The following OXSR1 variants were observed in gnomAD, a reference collection of about 807,000 sequenced individuals.
The protein encoded by OXSR1 is serine/threonine-protein kinase OSR1.
Under a neutral mutation model 79.8 loss-of-function variants are expected in OXSR1, and 24 were observed. The ratio of observed to expected loss-of-function variants is 0.30; its 90% CI spans 0.22 to 0.42. OXSR1 has a LOEUF of 0.42. Among genes scored for constraint, OXSR1 ranks in the 10% least tolerant of loss-of-function variants. The pLI, the probability that OXSR1 is intolerant of heterozygous loss-of-function variation, is 1.00. For missense variants in OXSR1, 430 were observed against 618.4 expected (o/e 0.70, Z 3.23); for synonymous variants, 226 against 209.2 (o/e 1.08, Z -0.69).
intron 13 of OXSR1, 55 bp from the exon 14 acceptor site, chr3:38,247,613 C>T: frequency 1.6e-6 from 2 of 1,270,074 alleles, no homozygotes; most frequent in South Asian, 1.2e-5. Flanking sequence ...GACCATTAGT[C>T]ACCTCCCCAC....
chr3:38,167,986 G>A (rs57305168), intron 1 of OXSR1, among the ~76,000 whole-genome samples: 3 of 151,682 alleles, frequency 2.0e-5, no homozygotes, highest in South Asian at 4.2e-4. Flanking sequence ...AGGTGGCAGA[G>A]AATTTCAGAG....
chr3:38,167,996 G>C (rs1012903394), intron 1 of OXSR1, among the ~76,000 whole-genome samples: 1 of 151,638 alleles, frequency 6.6e-6, no homozygotes, highest in African/African-American at 2.4e-5. Context: ...GAATTTCAGA[G>C]TTGCAAAGGC....
At chr3:38,237,326 A>G (rs1245006908) in intron 11 of OXSR1, among the ~76,000 whole-genome samples, 1 of 152,176 alleles carries the variant, frequency 6.6e-6, no homozygotes, top group Non-Finnish European at 1.5e-5. Flanking sequence ...TCTACTAAGG[A>G]GGAATGGTGT....
intron 2 of OXSR1, among the ~76,000 whole-genome samples, chr3:38,187,407 T>G (rs1159742668): frequency 6.6e-6 from 1 of 152,186 alleles, no homozygotes; most frequent in Non-Finnish European, 1.5e-5. Context: ...ATTTCCTGGA[T>G]GGAAAATACA....
At chr3:38,209,529 G>A (rs553794251) in intron 4 of OXSR1, among the ~76,000 whole-genome samples, 1 of 152,150 alleles carries the variant, frequency 6.6e-6, no homozygotes, top group Admixed American at 6.5e-5. Flanking sequence ...CTTCCAAAGT[G>A]CTGGAATTAC....
rs1413740765 is a variant in OXSR1 at position 38,246,108 on chromosome 3, C to T, written c.1144C>T (p.Leu382Phe). The T allele has an allele frequency of 1.2e-6, 2 of 1,613,490 alleles. No individual in the cohort carries two copies. The highest frequency in any genetic ancestry group is 1.3e-5 in the African/African-American group (1 of 74,868). Residue 382 changes from leucine to phenylalanine, a missense_variant, in exon 13 of 18, where the codon CTC (leucine) becomes TTC (phenylalanine). By Grantham distance (22) the Leu-to-Phe change is conservative. Around this residue, in one of 3 missense-constraint regions of OXSR1, gnomAD observed 276 missense variants for 354.2 expected, o/e 0.78. Transcript: ENST00000311806. The stretch of plus-strand genomic sequence containing the variant: ...AACAACTGATCCTGTGGGTACTTTG[C>T]TCCAAGTTCCAGAACAGATCTCTGC... The part of the protein sequence containing the change: ...FPTTDPVGTL[L>F]QVPEQISAHL...
chr3:38,219,638 C>T (rs185764239), intron 5 of OXSR1, among the ~76,000 whole-genome samples: 50 of 152,298 alleles, frequency 3.3e-4, no homozygotes, highest in African/African-American at 1.2e-3. Context: ...GTTCAGCTGA[C>T]TAGTGGCAGA....
At chr3:38,167,599 C>T (rs1305334600) in intron 1 of OXSR1, among the ~76,000 whole-genome samples, 2 of 152,074 alleles carry the variant, frequency 1.3e-5, no homozygotes, top group Non-Finnish European at 2.9e-5. Context: ...ACAATCTGGG[C>T]TTAAAGCAAT....
At chr3:38,170,786 TC>T (rs1189141227) in intron 1 of OXSR1, among the ~76,000 whole-genome samples, 5 of 152,124 alleles carry the variant, frequency 3.3e-5, no homozygotes, top group African/African-American at 1.2e-4. Flanking sequence ...GGGAATGATC[TC>T]CCCTGCTTTT....
At chr3:38,200,413 A>G (rs2125821017) in intron 4 of OXSR1, among the ~76,000 whole-genome samples, 1 of 152,296 alleles carries the variant, frequency 6.6e-6, no homozygotes, top group East Asian at 1.9e-4. Context: ...AGGAAACATA[A>G]TGCCATGTTG....
intron 6 of OXSR1, 33 bp from the exon 7 acceptor site, chr3:38,223,779 T>G: frequency 4.0e-6 from 6 of 1,488,608 alleles, no homozygotes; most frequent in Non-Finnish European, 5.6e-6. Flanking sequence ...CCTTTTATGC[T>G]GGTAAAAATA....
Position 38,236,956 on chromosome 3 carries a change from C to T in OXSR1, c.1069C>T (p.Leu357Phe). The stretch of plus-strand genomic sequence containing the variant: ...GGAAGGGAAAGCAGCAATTTCACAA[C>T]TCAGGGTAAATTTTATTAAACTGTG... ...SEEGKAAISQ[L>F]RSPRVKESIS... Residue 357 changes from leucine (L) to phenylalanine (F), a missense_variant, in exon 11 of 18, where the codon CTC (leucine) becomes TTC (phenylalanine). Leu to Phe is a conservative substitution (Grantham distance 22). Transcript: ENST00000311806. 2 of 1,610,784 alleles carry T rather than the reference C, an allele frequency of 1.2e-6. No individual in the cohort carries two copies. The highest frequency in any genetic ancestry group is 1.7e-4 in the Middle Eastern group (1 of 6,046).
At chr3:38,228,071 TTGCTCTGACTACTGTCAGATACAC>T (rs1368229714) in intron 8 of OXSR1, among the ~76,000 whole-genome samples, 2 of 152,242 alleles carry the variant, frequency 1.3e-5, no homozygotes, top group Non-Finnish European at 2.9e-5. Context: ...GTGTAGCCTG[TTGCTCTGACTACTGTCAGATACAC>T]AGTATATTGT....
rs776976832 is a variant in OXSR1 at position 38,198,776 on chromosome 3, G to A, written c.347G>A (p.Gly116Glu). The change falls in exon 4 of 18, where the codon GGA (glycine) becomes GAA (glutamate). Residue 116 changes from glycine to glutamate, a missense_variant. Gly to Glu is a moderately conservative substitution (Grantham distance 98). This residue lies in a region of OXSR1 where 145 missense variants were observed against 228.3 expected (regional missense o/e 0.64). Coordinates refer to ENST00000311806, the MANE Select transcript of OXSR1 (RefSeq NM_005109.3). ...GTGGCAAAAGGGGAACACAAAAGTG[G>A]AGTCCTAGATGAATCTACCATTGCT... ...HIVAKGEHKS[G>E]VLDESTIATI... The A allele has an allele frequency of 2.7e-5, 43 of 1,612,644 alleles. No homozygotes were observed. The highest frequency in any genetic ancestry group is 3.1e-5 in the Non-Finnish European group (37 of 1,178,866).
intron 3 of OXSR1, among the ~76,000 whole-genome samples, chr3:38,193,584 A>G (rs556393086): frequency 8.0e-5 from 12 of 149,770 alleles, no homozygotes; most frequent in Non-Finnish European, 1.5e-4. Context: ...ATGCCAGCCT[A>G]TGCTTTCTGC....
chr3:38,167,454 C>T (rs1033998334), intron 1 of OXSR1, among the ~76,000 whole-genome samples: 2 of 152,222 alleles, frequency 1.3e-5, no homozygotes, highest in Non-Finnish European at 2.9e-5. Flanking sequence ...CAGCATCCTG[C>T]CCTAAAATTA....
At chr3:38,205,786 G>T (rs973458305) in intron 4 of OXSR1, among the ~76,000 whole-genome samples, 4 of 152,200 alleles carry the variant, frequency 2.6e-5, no homozygotes, top group Non-Finnish European at 5.9e-5. Flanking sequence ...AAGTGATGGG[G>T]CTAGTCCCAG....
At chr3:38,206,708 A>G (rs376107613) in intron 4 of OXSR1, among the ~76,000 whole-genome samples, 12 of 152,342 alleles carry the variant, frequency 7.9e-5, no homozygotes, top group East Asian at 7.7e-4. Flanking sequence ...TATATTTAAA[A>G]TTAATCTCAG....
intron 1 of OXSR1, among the ~76,000 whole-genome samples, chr3:38,174,056 A>G (rs1308208359): frequency 1.3e-5 from 2 of 152,240 alleles, no homozygotes; most frequent in African/African-American, 2.4e-5. Flanking sequence ...AAGCAGAAGC[A>G]TGCTAATGTG....
Sources: gnomAD v4.1 joint callset for allele counts (sites outside exome capture counted in the v4.1 genomes callset) on GRCh38, gnomAD v4.1.1 for gene constraint, gnomAD v4.1.1 regional missense constraint, MANE v1.5 for transcripts, NCBI Gene and HGNC (gene_info 2026-07-23, HGNC 2026-07-21) for gene names.